RNF144A: variants seen among roughly 807,000 people sequenced by gnomAD.
The protein encoded by RNF144A is E3 ubiquitin-protein ligase RNF144A.
In RNF144A, 11 loss-of-function variants were observed where a neutral mutation model predicts 38.7. The observed-to-expected ratio is 0.28, with a 90% confidence interval of 0.18 to 0.47. RNF144A has a LOEUF of 0.47. RNF144A is among the 20% of genes least tolerant of loss of function. RNF144A has a pLI of 0.99. For missense variants in RNF144A, 316 were observed against 377.2 expected, an observed-to-expected ratio of 0.84 and a Z score of 1.34; for synonymous variants, 149 against 143.9, an observed-to-expected ratio of 1.04 and a Z score of -0.25.
intron 2 of RNF144A, among the ~76,000 whole-genome samples, chr2:6,961,627 G>C (rs1667346046): frequency 6.6e-6 from 1 of 152,196 alleles, no homozygotes; most frequent in African/African-American, 2.4e-5. Context: ...CCGATGCAAG[G>C]ATCTTGCTGT....
At chr2:6,989,808 G>A (rs999538905) in intron 2 of RNF144A, among the ~76,000 whole-genome samples, 4 of 152,044 alleles carry the variant, frequency 2.6e-5, no homozygotes, top group African/African-American at 9.7e-5. Context: ...TCTGTTTGCT[G>A]ACTAGGGTTT....
At chr2:6,987,114 G>A (rs60187857) in intron 2 of RNF144A, among the ~76,000 whole-genome samples, 1,999 of 152,222 alleles carry the variant, frequency 0.013, 49 homozygotes, top group African/African-American at 0.046. Flanking sequence ...ACCGAGAAAC[G>A]TTTAAGTTTG....
intron 1 of RNF144A, among the ~76,000 whole-genome samples, chr2:6,925,626 A>G (rs1265847100): frequency 6.6e-6 from 1 of 152,180 alleles, no homozygotes; most frequent in African/African-American, 2.4e-5. Context: ...GGCGCAGAAT[A>G]CAGGTAGATG....
At chr2:6,956,672 G>T (rs1421990806) in intron 2 of RNF144A, among the ~76,000 whole-genome samples, 1 of 152,150 alleles carries the variant, frequency 6.6e-6, no homozygotes, top group Admixed American at 6.5e-5. Context: ...CTGATGTTGG[G>T]ATACCCTGTT....
chr2:6,926,070 G>T (rs912553164), intron 1 of RNF144A, among the ~76,000 whole-genome samples: 2 of 152,246 alleles, frequency 1.3e-5, no homozygotes, highest in African/African-American at 4.8e-5. Context: ...GCTTCCAGGT[G>T]CTGGTGCAGC....
At chr2:7,073,938 C>G in the RNF144A span, among the ~76,000 whole-genome samples, 3 of 152,220 alleles carry the variant, frequency 2.0e-5, no homozygotes, top group East Asian at 5.8e-4. Context: ...CTCTTGTTCT[C>G]ACATCCTTTA....
At chr2:7,029,650 T>A (rs905617808) in intron 7 of RNF144A, among the ~76,000 whole-genome samples, 3 of 152,104 alleles carry the variant, frequency 2.0e-5, no homozygotes, top group Non-Finnish European at 4.4e-5. Flanking sequence ...AAGAAAATCA[T>A]CCAATCCCAG....
At chr2:7,063,293 C>T (rs72783752) in intron 6 of RNF144A, among the ~76,000 whole-genome samples, 2 of 152,112 alleles carry the variant, frequency 1.3e-5, no homozygotes, top group Non-Finnish European at 2.9e-5. Flanking sequence ...TTGGAGTTTA[C>T]GGGGAGAAAT....
chr2:6,990,602 C>CAG (rs1553338891), intron 2 of RNF144A, among the ~76,000 whole-genome samples: 19 of 149,516 alleles, frequency 1.3e-4, no homozygotes, highest in Non-Finnish European at 2.2e-4. Context: ...CACACACACA[C>CAG]AGATATATAG....
chr2:7,055,922 A>G (rs1406682459), intron 6 of RNF144A, among the ~76,000 whole-genome samples: 1 of 152,080 alleles, frequency 6.6e-6, no homozygotes, highest in African/African-American at 2.4e-5. Context: ...CTTCCTACCC[A>G]GATGCTGGGC....
intron 7 of RNF144A, among the ~76,000 whole-genome samples, chr2:7,024,935 C>T (rs186452319): frequency 2.0e-5 from 3 of 151,168 alleles, no homozygotes; most frequent in East Asian, 3.9e-4. Flanking sequence ...GATTTGGCTC[C>T]GGGGTTCCTG....
chr2:6,964,521 G>A (rs1007359603), intron 2 of RNF144A, among the ~76,000 whole-genome samples: 15 of 152,190 alleles, frequency 9.9e-5, no homozygotes, highest in African/African-American at 2.9e-4. Context: ...ACATGCACAC[G>A]TATGTTTATT....
chr2:6,956,802 C>A (rs1283900715), intron 2 of RNF144A, among the ~76,000 whole-genome samples: 1 of 152,150 alleles, frequency 6.6e-6, no homozygotes, highest in Non-Finnish European at 1.5e-5. Context: ...AAGCTTTCAG[C>A]AAATACATAT....
At chr2:6,925,927 ACCAGTAT>A (rs1664836757) in intron 1 of RNF144A, among the ~76,000 whole-genome samples, 1 of 152,274 alleles carries the variant, frequency 6.6e-6, no homozygotes, top group Non-Finnish European at 1.5e-5. Context: ...ATATATATGT[ACCAGTAT>A]CAGGCATAGT....
At chr2:6,948,847 G>A (rs1316298797) in intron 2 of RNF144A, among the ~76,000 whole-genome samples, 1 of 152,194 alleles carries the variant, frequency 6.6e-6, no homozygotes, top group Non-Finnish European at 1.5e-5. Flanking sequence ...ATGTGCTTCA[G>A]AAGAGATCTT....
At chr2:6,931,919 AAGT>A (rs1665230380) in intron 1 of RNF144A, among the ~76,000 whole-genome samples, 1 of 152,228 alleles carries the variant, frequency 6.6e-6, no homozygotes, top group South Asian at 2.1e-4. Context: ...ATTCTTTATC[AAGT>A]AGATCGAGTT....
At chr2:6,972,948 A>G (rs1195044102) in intron 2 of RNF144A, among the ~76,000 whole-genome samples, 2 of 152,252 alleles carry the variant, frequency 1.3e-5, no homozygotes, top group African/African-American at 2.4e-5. Context: ...TGGTTTGAAG[A>G]GTAGGATTCT....
At chr2:6,987,305 G>GGGCC (rs1463058252) in intron 2 of RNF144A, among the ~76,000 whole-genome samples, 1 of 152,218 alleles carries the variant, frequency 6.6e-6, no homozygotes, top group Non-Finnish European at 1.5e-5. Flanking sequence ...AGGCGTCTCG[G>GGGCC]GGCCACACCC....
intron 5 of RNF144A, among the ~76,000 whole-genome samples, chr2:7,016,707 A>G (rs1671163457): frequency 6.6e-6 from 1 of 152,076 alleles, no homozygotes; most frequent in African/African-American, 2.4e-5. Context: ...GTTATGGATT[A>G]TAGCCAGCAC....
Sources: gnomAD v4.1 joint callset for allele counts (sites outside exome capture counted in the v4.1 genomes callset) on GRCh38, gnomAD v4.1.1 for gene constraint, MANE v1.5 for transcripts, NCBI Gene and HGNC (gene_info 2026-07-23, HGNC 2026-07-21) for gene names.